The following PPFIA2 variants were observed in gnomAD, a reference collection of about 807,000 sequenced individuals.
PPFIA2 encodes the protein liprin-alpha-2.
In PPFIA2, 46 loss-of-function variants were observed where a neutral mutation model predicts 175.5. That is an observed-to-expected ratio of 0.26 (90% CI 0.21 to 0.34). PPFIA2 has a LOEUF of 0.34. Among genes scored for constraint, PPFIA2 ranks in the 10% least tolerant of loss-of-function variants. The pLI, the probability that PPFIA2 is intolerant of heterozygous loss-of-function variation, is 1.00. For synonymous variants in PPFIA2, 568 were observed against 511.4 expected (o/e 1.11, Z -1.49); for missense variants, 1,179 against 1,506.1 (o/e 0.78, Z 3.60).
intron 4 of PPFIA2, among the ~76,000 whole-genome samples, chr12:81,598,874 A>T (rs1392841699): frequency 6.6e-6 from 1 of 152,034 alleles, no homozygotes; most frequent in African/African-American, 2.4e-5. Context: ...CTAAAAAATC[A>T]TTATGTTTGA....
chr12:81,495,215 A>C (rs2059905935), intron 4 of PPFIA2, among the ~76,000 whole-genome samples: 1 of 152,158 alleles, frequency 6.6e-6, no homozygotes, highest in Admixed American at 6.6e-5. Context: ...CTATAAATTA[A>C]CATCTAAAAT....
chr12:81,417,464 G>A (rs192094421), intron 7 of PPFIA2: 105 of 150,846 alleles, frequency 7.0e-4, no homozygotes, highest in African/African-American at 2.3e-3. Context: ...AGGGAAAAGC[G>A]TTTCAAAGTG....
At chr12:81,406,780 G>T (rs1282068909) in intron 7 of PPFIA2, among the ~76,000 whole-genome samples, 1 of 151,876 alleles carries the variant, frequency 6.6e-6, no homozygotes, top group Non-Finnish European at 1.5e-5. Context: ...GTCAATATTA[G>T]TTCTGGGAGA....
At chr12:81,460,322 A>G (rs769863049) in intron 4 of PPFIA2, among the ~76,000 whole-genome samples, 18 of 152,218 alleles carry the variant, frequency 1.2e-4, no homozygotes, top group Non-Finnish European at 1.9e-4. Context: ...TCATGTAAGA[A>G]GTGCCTTTTA....
intron 3 of PPFIA2, among the ~76,000 whole-genome samples, chr12:81,693,005 C>T (rs1261248900): frequency 6.6e-6 from 1 of 151,978 alleles, no homozygotes; most frequent in Admixed American, 6.6e-5. Flanking sequence ...CTGAATATAT[C>T]ATCACAGTAG....
chr12:81,569,489 C>T (rs1317317919), intron 4 of PPFIA2, among the ~76,000 whole-genome samples: 1 of 152,146 alleles, frequency 6.6e-6, no homozygotes, highest in Non-Finnish European at 1.5e-5. Flanking sequence ...TCACTGAATC[C>T]TATGGTTCAG....
chr12:81,379,432 A>G (rs1293649584), intron 9 of PPFIA2, among the ~76,000 whole-genome samples: 2 of 152,144 alleles, frequency 1.3e-5, no homozygotes, highest in African/African-American at 4.8e-5. Flanking sequence ...TATTTAATTC[A>G]TTTAATCACA....
chr12:81,528,700 C>T (rs929847958), intron 4 of PPFIA2, among the ~76,000 whole-genome samples: 6 of 151,984 alleles, frequency 3.9e-5, no homozygotes, highest in Non-Finnish European at 7.4e-5. Flanking sequence ...TTGTGAAAAG[C>T]ATTTCCATAG....
rs186061570 is a variant in PPFIA2 at position 81,572,743 on chromosome 12, C to A, written c.303+104048G>T. On this transcript the variant is annotated intron_variant, in intron 4 of 32. Transcript: ENST00000549396. ...GGTGCTCAGATCTGTTTTTTAAACA[C>A]CTTTTCCCATTAAAAGGAACTGAGA... Among the ~76,000 whole-genome samples the A allele has an allele frequency of 3.0e-3, 456 of 152,056 alleles. 5 individuals are homozygous for A. The highest frequency in any genetic ancestry group is 2.0e-3 in the Non-Finnish European group (138 of 67,946).
intron 4 of PPFIA2, among the ~76,000 whole-genome samples, chr12:81,479,543 G>T (rs1445098258): frequency 1.3e-5 from 2 of 152,186 alleles, no homozygotes; most frequent in South Asian, 2.1e-4. Context: ...AATTTGGTAT[G>T]TTTTTGCAGT....
intron 4 of PPFIA2, among the ~76,000 whole-genome samples, chr12:81,485,104 C>T (rs1018762741): frequency 6.6e-6 from 1 of 151,770 alleles, no homozygotes; most frequent in African/African-American, 2.4e-5. Flanking sequence ...CTAGCTTGAG[C>T]TATATTTCAA....
chr12:81,622,017 G>A (rs2062099364), intron 4 of PPFIA2, among the ~76,000 whole-genome samples: 1 of 152,116 alleles, frequency 6.6e-6, no homozygotes, highest in Non-Finnish European at 1.5e-5. Flanking sequence ...GAAAAATAAG[G>A]AAGTAGCAAA....
At chr12:81,618,385 A>G (rs1182276150) in intron 4 of PPFIA2, among the ~76,000 whole-genome samples, 2 of 152,082 alleles carry the variant, frequency 1.3e-5, no homozygotes, top group African/African-American at 4.8e-5. Flanking sequence ...TATTAAATAA[A>G]TTAATGTAGG....
intron 4 of PPFIA2, among the ~76,000 whole-genome samples, chr12:81,534,230 T>C (rs561745734): frequency 2.0e-5 from 3 of 151,536 alleles, no homozygotes; most frequent in Non-Finnish European, 4.4e-5. Context: ...TAGAGGTAGA[T>C]AGAAGGAATA....
At chr12:81,524,826 AG>A (rs1214194583) in intron 4 of PPFIA2, among the ~76,000 whole-genome samples, 1 of 152,318 alleles carries the variant, frequency 6.6e-6, no homozygotes, top group East Asian at 1.9e-4. Context: ...CTAACCTCCA[AG>A]GTGATGGCAT....
At chr12:81,613,879 T>C (rs2061180400) in intron 4 of PPFIA2, among the ~76,000 whole-genome samples, 1 of 152,146 alleles carries the variant, frequency 6.6e-6, no homozygotes, top group African/African-American at 2.4e-5. Context: ...CTGAATAGTC[T>C]TGAGAATTAG....
chr12:81,338,557 A>G, intron 21 of PPFIA2, among the ~76,000 whole-genome samples: 1 of 151,944 alleles, frequency 6.6e-6, no homozygotes. Flanking sequence ...CCATTCCTCA[A>G]CTATACACCA....
intron 24 of PPFIA2, chr12:81,294,555 A>G: frequency 3.1e-6 from 1 of 319,810 alleles, no homozygotes; most frequent in Non-Finnish European, 5.8e-6. Context: ...GGAATTGAAA[A>G]AAGAGTAAGC....
At chr12:81,713,180 G>GT (rs1372599850) in intron 3 of PPFIA2, among the ~76,000 whole-genome samples, 2 of 150,848 alleles carry the variant, frequency 1.3e-5, no homozygotes, top group African/African-American at 4.8e-5. Flanking sequence ...TTTTGGGGGG[G>GT]TCTGATTGAA....
Sources: allele counts gnomAD v4.1 joint callset (sites outside exome capture counted in the v4.1 genomes callset), GRCh38; gene constraint gnomAD v4.1.1; transcripts MANE v1.5; gene names NCBI Gene and HGNC (gene_info 2026-07-23, HGNC 2026-07-21).